DENND11: variants seen among roughly 807,000 people sequenced by gnomAD.
DENND11 encodes the protein DENN domain-containing protein 11.
A neutral mutation model predicts 49.2 loss-of-function variants in DENND11; 34 were observed. The observed-to-expected ratio is 0.69, with a 90% confidence interval of 0.53 to 0.92. The LOEUF (loss-of-function observed/expected upper bound fraction) is 0.92, where lower values mean the gene tolerates loss of function less well. DENND11 is among the 40% of genes least tolerant of loss of function. The pLI, the probability that DENND11 is intolerant of heterozygous loss-of-function variation, is 0.00. For missense variants in DENND11, 475 were observed against 581.6 expected (o/e 0.82, Z 1.88); for synonymous variants, 238 against 230.3 (o/e 1.03, Z -0.30).
chr7:141,674,459 G>C (rs1798035001), intron 3 of DENND11, among the ~76,000 whole-genome samples: 1 of 152,112 alleles, frequency 6.6e-6, no homozygotes, highest in Non-Finnish European at 1.5e-5. Flanking sequence ...CAACACCATG[G>C]AACACATTCT....
intron 3 of DENND11, among the ~76,000 whole-genome samples, chr7:141,683,642 CAACA>C (rs911296715): frequency 1.3e-5 from 2 of 151,984 alleles, no homozygotes; most frequent in African/African-American, 4.8e-5. Context: ...GACTCCATCT[CAACA>C]AACAAAAACA....
rs977235999 is a variant in DENND11, at chr7:141,689,240, G to A, written c.269-2582C>T. On this transcript the variant is annotated intron_variant, in intron 1 of 8. Coordinates refer to ENST00000536163, the MANE Select transcript of DENND11 (RefSeq NM_001080392.2). The stretch of plus-strand genomic sequence containing the variant: ...ATGGTAGACCGGATAAAGAAAATGC[G>A]GTACATATACACCGTAGAATACTAT... 3.3e-5 allele frequency among the ~76,000 whole-genome samples: 5 copies of A among 152,092 alleles called. No homozygotes were observed. The East Asian group carries it at 5.8e-4, about 18-fold the overall frequency.
At chr7:141,691,359 C>A (rs2117078471) in intron 1 of DENND11, among the ~76,000 whole-genome samples, 1 of 152,322 alleles carries the variant, frequency 6.6e-6, no homozygotes, top group East Asian at 1.9e-4. Flanking sequence ...CTGATCGTTA[C>A]ATGAAAAAGA....
At chr7:141,697,601 T>A (rs1798436949) in intron 1 of DENND11, among the ~76,000 whole-genome samples, 1 of 152,212 alleles carries the variant, frequency 6.6e-6, no homozygotes, top group South Asian at 2.1e-4. Flanking sequence ...AAATTTTCCA[T>A]TCACATTCTA....
At position 141,665,314 on chromosome 7, in the gene DENND11, G is replaced by A. The variant is rs778520441; in HGVS notation, c.825C>T (p.Tyr275=). 6.2e-7 allele frequency: 1 copy of A among 1,613,918 alleles called. No homozygotes were observed. Among genetic ancestry groups the A allele is most frequent in the South Asian group, 1.1e-5 (1 of 91,018 alleles). ...PPVGVVCYRV[Y]CCCCLANVSL... ...AAACGTTGGCCAAGCAGCAGCAGCA[G>A]TACACTGTGGGGATAGAGGAGGTGA... Residue 275 remains tyrosine (Y), a synonymous_variant, in exon 6 of 9, where the codon TAC becomes TAT. Transcript: ENST00000536163.
At chr7:141,699,606 C>T (rs1226750674) in intron 1 of DENND11, among the ~76,000 whole-genome samples, 5 of 152,180 alleles carry the variant, frequency 3.3e-5, no homozygotes, top group Non-Finnish European at 5.9e-5. Flanking sequence ...GCTCTCTCTT[C>T]CTCCCTCCTT....
chr7:141,693,460 T>C (rs543920928), intron 1 of DENND11, among the ~76,000 whole-genome samples: 94 of 152,318 alleles, frequency 6.2e-4, no homozygotes, highest in African/African-American at 2.1e-3. Flanking sequence ...TAACATGTTA[T>C]TATCAAATGA....
chr7:141,671,389 C>CT (rs1797977107), intron 4 of DENND11, among the ~76,000 whole-genome samples: 1 of 152,198 alleles, frequency 6.6e-6, no homozygotes, highest in Non-Finnish European at 1.5e-5. Context: ...GTTGGCCAGG[C>CT]TGGTCTCAAA....
chr7:141,670,032 G>A (rs932591517), intron 4 of DENND11, among the ~76,000 whole-genome samples: 1 of 150,290 alleles, frequency 6.7e-6, no homozygotes, highest in Middle Eastern at 3.2e-3. Flanking sequence ...GGATGGTCTC[G>A]ATCTCCTGAC....
Position 141,665,031 on chromosome 7 carries a change from C to T in DENND11, c.976G>A (p.Glu326Lys). The change falls in exon 7 of 9, where the codon GAG becomes AAG. Residue 326 changes from glutamate to lysine, a missense_variant. Glu to Lys is a moderately conservative substitution (Grantham distance 56). Coordinates refer to ENST00000536163, the MANE Select transcript of DENND11 (RefSeq NM_001080392.2). ...VACTTEKIFEEKRELYDVYVD... is the reference protein window; with the variant it reads ...VACTTEKIFEKKRELYDVYVD... The stretch of plus-strand genomic sequence containing the variant: ...TAGACGTCATACAGCTCCCGCTTCT[C>T]CTCGAATATCTTCTCTGTGGTGCCT... 2.5e-6 allele frequency: 4 copies of T among 1,613,928 alleles called. No homozygotes were observed. The highest frequency in any genetic ancestry group is 3.4e-6 in the Non-Finnish European group (4 of 1,179,860).
chr7:141,688,213 G>A (rs563196459), intron 1 of DENND11, among the ~76,000 whole-genome samples: 1 of 152,312 alleles, frequency 6.6e-6, no homozygotes, highest in South Asian at 2.1e-4. Context: ...ATTCAAAAGG[G>A]TTTAAAGCAA....
At position 141,675,123 on chromosome 7, in the gene DENND11, C is replaced by G. The variant is rs1457148982; in HGVS notation, c.528-903G>C. Among the ~76,000 whole-genome samples the G allele has an allele frequency of 7.9e-5, 12 of 152,282 alleles. No individual in the cohort carries two copies. In the East Asian group the frequency reaches 2.3e-3, roughly 29 times the overall value. On this transcript the variant is annotated intron_variant, in intron 3 of 8. Coordinates refer to ENST00000536163, the MANE Select transcript of DENND11 (RefSeq NM_001080392.2). ...AGTGGGCCCTGGTCCAGTATGAATGCTGTCCTTATAGAAAGGGGACTTTTG... is the reference window on the plus strand; with the variant it reads ...AGTGGGCCCTGGTCCAGTATGAATGGTGTCCTTATAGAAAGGGGACTTTTG...
At position 141,662,847 on chromosome 7, in the gene DENND11, A is replaced by G. The variant is rs1797821916; in HGVS notation, c.1177T>C (p.Phe393Leu). ...AATATCCGGTTGTTTTGTTCTAGGAAAAACCTGCATTTGGAAGACAAGACA... is the reference window on the plus strand; with the variant it reads ...AATATCCGGTTGTTTTGTTCTAGGAGAAACCTGCATTTGGAAGACAAGACA... ...PCEEDLFVLF[F>L]LEQNNRIFQT... Residue 393 changes from phenylalanine to leucine, a missense_variant, in exon 9 of 9, where the codon TTC becomes CTC. Phe to Leu is a conservative substitution (Grantham distance 22). Transcript: ENST00000536163. 4 of 1,544,008 alleles carry G rather than the reference A, an allele frequency of 2.6e-6. No individual in the cohort carries two copies. The highest frequency in any genetic ancestry group is 3.5e-6 in the Non-Finnish European group (4 of 1,144,630).
chr7:141,693,449 C>G (rs1798357058), intron 1 of DENND11, among the ~76,000 whole-genome samples: 1 of 152,144 alleles, frequency 6.6e-6, no homozygotes, highest in African/African-American at 2.4e-5. Flanking sequence ...TTTTACAAAA[C>G]TAACATGTTA....
At position 141,687,591 on chromosome 7, in the gene DENND11, C is replaced by T. The variant is rs137949874; in HGVS notation, c.269-933G>A. Among the ~76,000 whole-genome samples, 20 of 149,354 alleles carry T rather than the reference C, an allele frequency of 1.3e-4. No homozygotes were observed. The East Asian group carries it at 3.0e-3, about 22-fold the overall frequency. On this transcript the variant is annotated intron_variant, in intron 1 of 8. Coordinates refer to ENST00000536163, the MANE Select transcript of DENND11 (RefSeq NM_001080392.2). ...GCGATTCTCCTGCCTCAGCCTCCCA[C>T]GTAGCTGGGATTACAGGCGCATACC...
intron 1 of DENND11, among the ~76,000 whole-genome samples, chr7:141,692,255 C>T (rs1024487642): frequency 6.6e-6 from 1 of 152,156 alleles, no homozygotes. Flanking sequence ...AAAATCCCAG[C>T]AAATTATTTT....
At position 141,674,780 on chromosome 7, in the gene DENND11, A is replaced by C. The variant is rs566876184; in HGVS notation, c.528-560T>G. ...TCAAGTATAATAATAAAGAAATAAA[A>C]AGCATCAGAATCTCTTCTCTGCCCG... On this transcript the variant is annotated intron_variant, in intron 3 of 8. Transcript: ENST00000536163. 6.6e-5 allele frequency among the ~76,000 whole-genome samples: 10 copies of C among 152,306 alleles called. No homozygotes were observed. The East Asian group carries it at 1.9e-3, about 29-fold the overall frequency.
rs1231293916 is a variant in DENND11 at position 141,659,305 on chromosome 7, A to G, written c.*3351T>C. On this transcript the variant is annotated 3_prime_UTR_variant, in exon 9 of 9. Transcript: ENST00000536163. Reference sequence around the variant, plus strand: ...TCCCAGGTGGGACACTGACACTGGAATGGTCTCTACCAGGCATAGGGAATG... The same window carrying G: ...TCCCAGGTGGGACACTGACACTGGAGTGGTCTCTACCAGGCATAGGGAATG... The G allele has an allele frequency of 4.6e-5, 7 of 152,222 alleles. No homozygotes were observed. In the South Asian group the frequency reaches 6.2e-4, roughly 14 times the overall value. 9.4% of individuals were successfully genotyped at this position (152,222 alleles called of 1,614,324 possible).
intron 1 of DENND11, among the ~76,000 whole-genome samples, chr7:141,688,171 A>G (rs751538913): frequency 6.6e-6 from 1 of 152,234 alleles, no homozygotes; most frequent in African/African-American, 2.4e-5. Flanking sequence ...TTGAGAGAAC[A>G]CTATAGAATA....
Sources: gnomAD v4.1 joint callset for allele counts (sites outside exome capture counted in the v4.1 genomes callset) on GRCh38, gnomAD v4.1.1 for gene constraint, MANE v1.5 for transcripts, NCBI Gene and HGNC (gene_info 2026-07-23, HGNC 2026-07-21) for gene names.